Variants in TENM3 observed in about 807,000 individuals in gnomAD.
TENM3 encodes the protein teneurin-3.
A neutral mutation model predicts 255.1 loss-of-function variants in TENM3; 63 were observed. The observed-to-expected ratio is 0.25, with a 90% CI of 0.20 to 0.30. TENM3 has a LOEUF of 0.30. Ranked by LOEUF, TENM3 falls within the 10% of genes least tolerant of loss-of-function variation. The probability of loss-of-function intolerance (pLI) is 1.00; values close to 1 mark genes in which losing one functional copy is unlikely to be tolerated. For synonymous variants in TENM3, 1,306 were observed against 1,322.3 expected (o/e 0.99, Z 0.27); for missense variants, 2,929 against 3,461.1 (o/e 0.85, Z 3.86).
chr4:182,248,521 A>G (rs762002089), intron 1 of TENM3, among the ~76,000 whole-genome samples: 4 of 152,242 alleles, frequency 2.6e-5, no homozygotes, highest in Non-Finnish European at 5.9e-5. Flanking sequence ...TGTTTAACAT[A>G]GATCTAGTAA....
At chr4:182,455,052 T>C (rs910517177) in intron 3 of TENM3, among the ~76,000 whole-genome samples, 1 of 152,170 alleles carries the variant, frequency 6.6e-6, no homozygotes, top group Non-Finnish European at 1.5e-5. Context: ...TAAAATAATA[T>C]TTCATACTTT....
chr4:181,894,851 G>A, the TENM3 span, among the ~76,000 whole-genome samples: 27 of 152,112 alleles, frequency 1.8e-4, no homozygotes, highest in Non-Finnish European at 2.1e-4. Context: ...AGTTATGGAC[G>A]TCACTGGTTG....
At chr4:182,475,453 CAG>C (rs765589718) in intron 3 of TENM3, among the ~76,000 whole-genome samples, 30 of 151,696 alleles carry the variant, frequency 2.0e-4, no homozygotes, top group Non-Finnish European at 7.4e-5. Context: ...ACTTACTCAA[CAG>C]AATGACTTGA....
chr4:181,864,757 T>A, the TENM3 span, among the ~76,000 whole-genome samples: 34 of 152,262 alleles, frequency 2.2e-4, no homozygotes, highest in East Asian at 5.8e-4. Context: ...AGATGGGGAA[T>A]CTCGATGCCC....
chr4:181,871,969 T>C, the TENM3 span, among the ~76,000 whole-genome samples: 1 of 152,142 alleles, frequency 6.6e-6, no homozygotes, highest in African/African-American at 2.4e-5. Flanking sequence ...TGATAGTGTT[T>C]TGCTAAAACT....
intron 11 of TENM3, among the ~76,000 whole-genome samples, chr4:182,684,601 A>C (rs948626551): frequency 4.6e-5 from 7 of 152,134 alleles, no homozygotes; most frequent in African/African-American, 9.7e-5. Flanking sequence ...GTATGTGAAA[A>C]GCACTTAGAA....
At chr4:181,937,425 G>A in the TENM3 span, among the ~76,000 whole-genome samples, 101 of 152,334 alleles carry the variant, frequency 6.6e-4, 1 homozygote, top group Non-Finnish European at 1.3e-3. Context: ...GGGAAGAAGA[G>A]GGGCAGGGCA....
chr4:181,684,484 G>T, the TENM3 span, among the ~76,000 whole-genome samples: 2 of 152,148 alleles, frequency 1.3e-5, no homozygotes, highest in African/African-American at 4.8e-5. Flanking sequence ...GAAAATGTGA[G>T]AAATGTGTTT....
At chr4:182,127,953 G>T in the TENM3 span, among the ~76,000 whole-genome samples, 1 of 151,996 alleles carries the variant, frequency 6.6e-6, no homozygotes, top group Non-Finnish European at 1.5e-5. Flanking sequence ...AGCAGGATGT[G>T]TATAATAAAT....
chr4:182,683,372 A>T (rs1431527637), intron 11 of TENM3, among the ~76,000 whole-genome samples: 3 of 152,176 alleles, frequency 2.0e-5, no homozygotes, highest in Non-Finnish European at 4.4e-5. Context: ...TCAAAATTCA[A>T]ACCTTTCTGA....
chr4:182,632,862 T>A (rs1751508300), intron 5 of TENM3, among the ~76,000 whole-genome samples: 1 of 152,162 alleles, frequency 6.6e-6, no homozygotes, highest in Non-Finnish European at 1.5e-5. Context: ...CTCACTCTGT[T>A]TTTTTCTTTA....
chr4:182,124,362 G>A, the TENM3 span, among the ~76,000 whole-genome samples: 2 of 152,112 alleles, frequency 1.3e-5, no homozygotes, highest in Non-Finnish European at 2.9e-5. Flanking sequence ...GAAACTACCC[G>A]TTTACACAAT....
At chr4:182,273,474 C>A (rs555547699) in intron 1 of TENM3, among the ~76,000 whole-genome samples, 1 of 152,186 alleles carries the variant, frequency 6.6e-6, no homozygotes, top group Middle Eastern at 3.2e-3. Flanking sequence ...GCGAGCTATT[C>A]TTTACTCTTG....
intron 24 of TENM3, among the ~76,000 whole-genome samples, chr4:182,775,360 A>G (rs1203900484): frequency 1.3e-5 from 2 of 152,264 alleles, no homozygotes; most frequent in East Asian, 3.9e-4. Context: ...GAGGGCTGAG[A>G]AGAAAAAGCA....
intron 15 of TENM3, 120 bp downstream of exon 15, chr4:182,730,439 C>CTG (rs1326714610): frequency 1.8e-6 from 2 of 1,126,402 alleles, no homozygotes; most frequent in East Asian, 5.0e-5. Context: ...TTTTTAGACT[C>CTG]TACAAACTTG....
At chr4:181,596,664 A>G in the TENM3 span, among the ~76,000 whole-genome samples, 1 of 152,222 alleles carries the variant, frequency 6.6e-6, no homozygotes, top group Non-Finnish European at 1.5e-5. Flanking sequence ...CACAATAGCA[A>G]AGACATAGAG....
the TENM3 span, among the ~76,000 whole-genome samples, chr4:181,497,822 G>A: frequency 2.0e-5 from 3 of 152,100 alleles, no homozygotes; most frequent in Non-Finnish European, 2.9e-5. Flanking sequence ...TGCTAACCAA[G>A]AATAAGTTCA....
chr4:181,934,117 G>T, the TENM3 span, among the ~76,000 whole-genome samples: 5 of 151,838 alleles, frequency 3.3e-5, no homozygotes, highest in Admixed American at 6.6e-5. Flanking sequence ...ATAGGAATAT[G>T]ATGTTGGACA....
intron 1 of TENM3, among the ~76,000 whole-genome samples, chr4:182,289,087 TG>T (rs1296529677): frequency 3.3e-5 from 5 of 151,964 alleles, no homozygotes; most frequent in Non-Finnish European, 7.4e-5. Flanking sequence ...AAAATTAGCC[TG>T]GCATGGTGGT....
Sources: allele counts gnomAD v4.1 joint callset (sites outside exome capture counted in the v4.1 genomes callset), GRCh38; gene constraint gnomAD v4.1.1; transcripts MANE v1.5; gene names NCBI Gene and HGNC (gene_info 2026-07-23, HGNC 2026-07-21).